The following NCOR1 variants were observed in gnomAD, a reference collection of about 807,000 sequenced individuals.
NCOR1 encodes the protein protein phosphatase 1, regulatory subunit 109.
NCOR1 carries 63 observed loss-of-function variants against 288.1 expected under a neutral mutation model. The ratio of observed to expected loss-of-function variants is 0.22; its 90% CI spans 0.18 to 0.27. The LOEUF is 0.27. Ranked by LOEUF, NCOR1 falls within the 10% of genes least tolerant of loss-of-function variation. NCOR1 has a pLI of 1.00. For synonymous variants in NCOR1, 1,007 were observed against 1,065.9 expected, an observed-to-expected ratio of 0.94 and a Z score of 1.08; for missense variants, 2,397 against 3,019.2, an observed-to-expected ratio of 0.79 and a Z score of 4.83.
chr17:16,183,521 A>G (rs2085981112), intron 3 of NCOR1, among the ~76,000 whole-genome samples: 1 of 152,120 alleles, frequency 6.6e-6, no homozygotes, highest in East Asian at 1.9e-4. Flanking sequence ...TACTTGGTTA[A>G]ATAAATTTAA....
chr17:16,121,809 T>C lies in NCOR1; in HGVS notation c.1635-540A>G, dbSNP rs577172225. ...TCTAAATCATGTCTGATACTAATTATGTACAAATTGGGCAGTAATGGTTAA... is the reference window on the plus strand; with the variant it reads ...TCTAAATCATGTCTGATACTAATTACGTACAAATTGGGCAGTAATGGTTAA... On this transcript the variant is annotated intron_variant, in intron 15 of 45. Transcript: ENST00000268712. 3.9e-5 allele frequency among the ~76,000 whole-genome samples: 6 copies of C among 152,366 alleles called. No homozygotes were observed. The East Asian group carries it at 1.2e-3, about 29-fold the overall frequency.
intron 40 of NCOR1, 134 bp from the exon 41 acceptor site, chr17:16,049,122 G>A: frequency 1.1e-6 from 1 of 900,548 alleles, no homozygotes; most frequent in Non-Finnish European, 1.6e-6. Flanking sequence ...AAAAAAAGTT[G>A]CCTCAGGTAT....
intron 11 of NCOR1, among the ~76,000 whole-genome samples, chr17:16,142,540 T>TCA: frequency 6.6e-6 from 1 of 152,300 alleles, no homozygotes; most frequent in East Asian, 1.9e-4. Flanking sequence ...GATTCAATGT[T>TCA]AGAAATGGAA....
intron 6 of NCOR1, among the ~76,000 whole-genome samples, chr17:16,157,458 GTATT>G (rs746366887): frequency 3.9e-4 from 60 of 152,112 alleles, no homozygotes; most frequent in South Asian, 2.7e-3. Context: ...CTATAAATGT[GTATT>G]TATTTATTTA....
intron 41 of NCOR1, 79 bp from the exon 42 acceptor site, chr17:16,047,172 CAGAG>C: frequency 7.0e-7 from 1 of 1,427,666 alleles, no homozygotes; most frequent in South Asian, 1.4e-5. Flanking sequence ...TAACAACAGT[CAGAG>C]AGTACTTAGA....
chr17:16,080,604 G>A lies in NCOR1; in HGVS notation c.3298+3C>T, dbSNP rs2063248030. ...TGCATTATGACTGTATTAACTCACTGACCTGATTTGGCAGATTCCTGTTGC... is the reference window on the plus strand; with the variant it reads ...TGCATTATGACTGTATTAACTCACTAACCTGATTTGGCAGATTCCTGTTGC... On this transcript the variant is annotated splice_donor_region_variant and intron_variant, in intron 24 of 45. Coordinates refer to ENST00000268712, the MANE Select transcript of NCOR1 (RefSeq NM_006311.4). The A allele has an allele frequency of 1.9e-6, 3 of 1,613,988 alleles. No individual in the cohort carries two copies. Among genetic ancestry groups the A allele is most frequent in the Non-Finnish European group, 2.5e-6 (3 of 1,180,004 alleles).
intron 3 of NCOR1, among the ~76,000 whole-genome samples, chr17:16,172,448 G>C (rs1355631144): frequency 1.3e-5 from 2 of 152,070 alleles, no homozygotes; most frequent in African/African-American, 4.8e-5. Context: ...AGTTGCTGAA[G>C]AATATCTATA....
intron 14 of NCOR1, among the ~76,000 whole-genome samples, chr17:16,128,908 C>A (rs1206587889): frequency 6.6e-6 from 1 of 152,196 alleles, no homozygotes. Flanking sequence ...TCTTGGTCCA[C>A]TTCCAGAACA....
chr17:16,074,808 G>C (rs1199706477), intron 27 of NCOR1, among the ~76,000 whole-genome samples: 2 of 152,104 alleles, frequency 1.3e-5, no homozygotes, highest in Non-Finnish European at 2.9e-5. Context: ...CATTAAAATA[G>C]TTTTATTAAG....
chr17:16,215,058 C>T (rs1161918046), intron 1 of NCOR1, among the ~76,000 whole-genome samples: 5 of 152,240 alleles, frequency 3.3e-5, no homozygotes, highest in Non-Finnish European at 7.3e-5. Context: ...GCCCTGTAGG[C>T]TCCGCACGCC....
intron 21 of NCOR1, among the ~76,000 whole-genome samples, chr17:16,095,264 C>T (rs1457134241): frequency 6.7e-6 from 1 of 150,274 alleles, no homozygotes; most frequent in African/African-American, 2.5e-5. Flanking sequence ...GCGACCCCGT[C>T]TGGGAGGTGA....
chr17:16,042,203 G>A (rs926194043), intron 42 of NCOR1, among the ~76,000 whole-genome samples: 6 of 152,158 alleles, frequency 3.9e-5, no homozygotes, highest in South Asian at 2.1e-4. Context: ...CAATGGCCAT[G>A]GATGACAGTC....
chr17:16,143,298 C>T (rs570173701), intron 11 of NCOR1, among the ~76,000 whole-genome samples: 3 of 152,202 alleles, frequency 2.0e-5, no homozygotes, highest in African/African-American at 7.2e-5. Context: ...GTCCATTCTA[C>T]CTTTCTATTA....
chr17:16,085,538 C>G (rs2064090631), intron 23 of NCOR1, among the ~76,000 whole-genome samples: 1 of 152,136 alleles, frequency 6.6e-6, no homozygotes, highest in South Asian at 2.1e-4. Flanking sequence ...AAGGAAGAAA[C>G]TACTGATTAC....
chr17:16,075,671 G>A lies in NCOR1; in HGVS notation c.3533C>T (p.Pro1178Leu). ...GGACCCCTTCACCAAAGCCTCTGTT[G>A]GTATGCCAGTCTGGGGCAGAGCCGG... ...GTPALPQTGI[P>L]TEALVKGSIS... The change falls in exon 27 of 46, where the codon CCA becomes CTA. Residue 1178 changes from proline (P) to leucine (L), a missense_variant. Physicochemically the swap from Pro to Leu is moderately conservative, Grantham distance 98. Coordinates refer to ENST00000268712, the MANE Select transcript of NCOR1 (RefSeq NM_006311.4). 6.2e-7 allele frequency: 1 copy of A among 1,614,150 alleles called. No homozygotes were observed. The highest frequency in any genetic ancestry group is 8.5e-7 in the Non-Finnish European group (1 of 1,180,026).
intron 11 of NCOR1, among the ~76,000 whole-genome samples, chr17:16,140,699 T>C (rs559565454): frequency 6.6e-6 from 1 of 152,050 alleles, no homozygotes; most frequent in Non-Finnish European, 1.5e-5. Flanking sequence ...CTGTAGTCCC[T>C]GCTACTCGGG....
intron 8 of NCOR1, among the ~76,000 whole-genome samples, chr17:16,151,092 C>A (rs1432247809): frequency 1.3e-5 from 2 of 151,198 alleles, no homozygotes; most frequent in African/African-American, 2.4e-5. Context: ...AGTAACCATA[C>A]TAGTAAATAA....
At chr17:16,095,440 T>TA (rs1156678639) in intron 21 of NCOR1, among the ~76,000 whole-genome samples, 5 of 117,890 alleles carry the variant, frequency 4.2e-5, no homozygotes, top group Admixed American at 8.3e-5. Context: ...GGGAGGGAGG[T>TA]GGGGGGTCAG....
At chr17:16,111,841 T>C (rs1338418058) in intron 18 of NCOR1, among the ~76,000 whole-genome samples, 1 of 151,934 alleles carries the variant, frequency 6.6e-6, no homozygotes, top group African/African-American at 2.4e-5. Context: ...AGGAGGACCA[T>C]GACTAATATA....
Sources: gnomAD v4.1 joint callset for allele counts (sites outside exome capture counted in the v4.1 genomes callset) on GRCh38, gnomAD v4.1.1 for gene constraint, MANE v1.5 for transcripts, NCBI Gene and HGNC (gene_info 2026-07-23, HGNC 2026-07-21) for gene names.